The following MND1 variants were observed in gnomAD, a reference collection of about 807,000 sequenced individuals.
MND1 encodes meiotic nuclear division protein 1 homolog.
MND1 carries 28 observed loss-of-function variants against 35.1 expected under a neutral mutation model. The ratio of observed to expected loss-of-function variants is 0.80; its 90% CI spans 0.59 to 1.09. The LOEUF is 1.09. MND1 is among the 50% of genes least tolerant of loss of function. The probability of loss-of-function intolerance (pLI) is 0.00; values close to 1 mark genes in which losing one functional copy is unlikely to be tolerated. For missense variants in MND1, 213 were observed against 239.6 expected (o/e 0.89, Z 0.73); for synonymous variants, 69 against 70.5 (o/e 0.98, Z 0.11).
chr4:153,353,955 A>C (rs569829355), intron 2 of MND1, among the ~76,000 whole-genome samples: 13 of 152,240 alleles, frequency 8.5e-5, no homozygotes, highest in African/African-American at 3.1e-4. Context: ...CCTGAGCTCA[A>C]ATGATCCACC....
At chr4:153,401,352 G>A (rs1344448773) in intron 6 of MND1, among the ~76,000 whole-genome samples, 2 of 152,118 alleles carry the variant, frequency 1.3e-5, no homozygotes, top group African/African-American at 2.4e-5. Context: ...TGTTTTGGTG[G>A]GAGGAGAGGT....
At chr4:153,403,742 A>G (rs1256044247) in intron 6 of MND1, among the ~76,000 whole-genome samples, 1 of 151,946 alleles carries the variant, frequency 6.6e-6, no homozygotes, top group Non-Finnish European at 1.5e-5. Flanking sequence ...CTGGGATTAC[A>G]GTGCCTTATA....
In MND1 at chr4:153,358,479, A is replaced by G. The variant is rs951625471; in HGVS notation, c.133A>G (p.Met45Val). The G allele has an allele frequency of 3.3e-5, 53 of 1,595,536 alleles. No individual in the cohort carries two copies. Among genetic ancestry groups the G allele is most frequent in the Non-Finnish European group, 3.9e-5 (46 of 1,172,086 alleles). ...CTTTAAAAATTGTCTCTTAGCTGCT[A>G]TGTCAGTAAAAGAAGTCCTTCAAAG... ...IAPKEKGITA[M>V]SVKEVLQSLV... The change falls in exon 4 of 8, where the codon ATG (methionine) becomes GTG (valine). Residue 45 changes from methionine (M) to valine (V), a missense_variant. Transcript: ENST00000240488.
At position 153,403,318 on chromosome 4, in the gene MND1, A is replaced by C. The variant is rs181255063; in HGVS notation, c.467-5653A>C. Among the ~76,000 whole-genome samples, 10 of 152,344 alleles carry C rather than the reference A, an allele frequency of 6.6e-5. No individual in the cohort carries two copies. In the East Asian group the frequency reaches 1.3e-3, roughly 21 times the overall value. On this transcript the variant is annotated intron_variant, in intron 6 of 7. Coordinates refer to ENST00000240488, the MANE Select transcript of MND1 (RefSeq NM_032117.4). ...AAGCAAGAAGCAAAGACTAAGTCAG[A>C]GTTATAAACTGCCTTGCTGAGAACG...
At chr4:153,368,268 A>T (rs1174758936) in intron 4 of MND1, among the ~76,000 whole-genome samples, 2 of 152,116 alleles carry the variant, frequency 1.3e-5, no homozygotes, top group East Asian at 3.9e-4. Flanking sequence ...AAACCTCCTC[A>T]AGCTCTCATT....
intron 4 of MND1, among the ~76,000 whole-genome samples, chr4:153,377,037 A>G (rs1728531287): frequency 6.6e-6 from 1 of 152,194 alleles, no homozygotes. Context: ...ATTTAAAGTT[A>G]ATGGGTCAGA....
Position 153,410,894 on chromosome 4 carries a change from G to A in MND1, c.511+1879G>A, listed in dbSNP as rs1729662785. Among the ~76,000 whole-genome samples the A allele has an allele frequency of 2.0e-5, 3 of 152,270 alleles. No homozygotes were observed. The South Asian group carries it at 6.2e-4, about 32-fold the overall frequency. ...TAATACCAGCTACTCAGGAGGCTGA[G>A]GTAGGAGAATTGCTTGAACCCAGGA... On this transcript the variant is annotated intron_variant, in intron 7 of 7. Coordinates refer to ENST00000240488, the MANE Select transcript of MND1 (RefSeq NM_032117.4).
chr4:153,359,155 A>G (rs779669822), intron 4 of MND1, among the ~76,000 whole-genome samples: 7 of 152,222 alleles, frequency 4.6e-5, no homozygotes, highest in Admixed American at 6.5e-5. Context: ...ATTGTACAGA[A>G]TAGTTTCACT....
At chr4:153,363,892 G>A (rs375641092) in intron 4 of MND1, among the ~76,000 whole-genome samples, 30 of 152,176 alleles carry the variant, frequency 2.0e-4, no homozygotes, top group Non-Finnish European at 4.1e-4. Context: ...TAACAAATGA[G>A]GACCCATATT....
At chr4:153,401,102 T>C (rs1265237478) in intron 6 of MND1, among the ~76,000 whole-genome samples, 4 of 151,994 alleles carry the variant, frequency 2.6e-5, no homozygotes, top group Non-Finnish European at 5.9e-5. Context: ...AATAAAGAAT[T>C]TAAAAAATAT....
chr4:153,380,501 T>G (rs920109443), intron 4 of MND1, among the ~76,000 whole-genome samples: 1 of 152,188 alleles, frequency 6.6e-6, no homozygotes, highest in African/African-American at 2.4e-5. Flanking sequence ...CAGATCTGAA[T>G]TCCTTGCTCA....
In MND1 at chr4:153,397,340, T is replaced by C. The variant is rs1561076424; in HGVS notation, c.466+7T>C. The C allele has an allele frequency of 6.3e-7, 1 of 1,596,196 alleles. No individual in the cohort carries two copies. Among genetic ancestry groups the C allele is most frequent in the East Asian group, 2.2e-5 (1 of 44,550 alleles). The stretch of plus-strand genomic sequence containing the variant: ...CAAGTTGTGGAAGAAATACGTAAGT[T>C]TGTGTCATACCTTAGGGATCTTTAA... On this transcript the variant is annotated splice_region_variant and intron_variant, in intron 6 of 7. Coordinates refer to ENST00000240488, the MANE Select transcript of MND1 (RefSeq NM_032117.4).
chr4:153,402,566 A>C (rs1231356303), intron 6 of MND1, among the ~76,000 whole-genome samples: 1 of 152,238 alleles, frequency 6.6e-6, no homozygotes, highest in Non-Finnish European at 1.5e-5. Flanking sequence ...TCACCGCAGC[A>C]GTGACCTTGA....
chr4:153,381,692 ATTTT>A (rs765943574), intron 4 of MND1: 22 of 17,454 alleles, frequency 1.3e-3, no homozygotes, highest in African/African-American at 3.4e-3. Context: ...ATATATATAT[ATTTT>A]TTTTTTTTTT....
chr4:153,406,397 C>A (rs976173249), intron 6 of MND1, among the ~76,000 whole-genome samples: 1 of 152,026 alleles, frequency 6.6e-6, no homozygotes, highest in Non-Finnish European at 1.5e-5. Context: ...TGGCACACAC[C>A]TGTAATCCCA....
At chr4:153,347,468 GT>G (rs1471979839) in intron 1 of MND1, among the ~76,000 whole-genome samples, 1 of 152,222 alleles carries the variant, frequency 6.6e-6, no homozygotes. Context: ...AAATTTTAGA[GT>G]TGGGGGCTTT....
Position 153,370,987 on chromosome 4 carries a change from A to G in MND1, c.276+12365A>G, listed in dbSNP as rs143286100. ...AATTACTCCTTGATCCACAGGCTGC[A>G]GAATGGATATTGTGTTATTAGGCAT... On this transcript the variant is annotated intron_variant, in intron 4 of 7. Transcript: ENST00000240488. Among the ~76,000 whole-genome samples, 64 of 152,230 alleles carry G rather than the reference A, an allele frequency of 4.2e-4. No individual in the cohort carries two copies. The East Asian group carries it at 0.011, about 27-fold the overall frequency.
intron 2 of MND1, among the ~76,000 whole-genome samples, chr4:153,354,179 A>T (rs941891869): frequency 6.6e-5 from 10 of 152,038 alleles, no homozygotes; most frequent in African/African-American, 2.4e-4. Flanking sequence ...TAAATATTCT[A>T]CACGCATATT....
intron 5 of MND1, among the ~76,000 whole-genome samples, chr4:153,395,885 TTTTGTTTTTTGG>T (rs983565591): frequency 6.6e-6 from 1 of 152,218 alleles, no homozygotes; most frequent in Admixed American, 6.5e-5. Flanking sequence ...CTTGATTTTG[TTTTGTTTTTTGG>T]TTTGTTTTTT....
Sources: allele counts gnomAD v4.1 joint callset (sites outside exome capture counted in the v4.1 genomes callset), GRCh38; gene constraint gnomAD v4.1.1; transcripts MANE v1.5; gene names NCBI Gene and HGNC (gene_info 2026-07-23, HGNC 2026-07-21).